RTL1: variants seen among roughly 807,000 people sequenced by gnomAD.
The protein encoded by RTL1 is retrotransposon Gag like 1, also known as retrotransposon-like protein 1.
For synonymous variants in RTL1, 727 were observed against 748.4 expected (o/e 0.97, Z 0.47); for missense variants, 1,681 against 1,767.5 (o/e 0.95, Z 0.88).
chr14:100,892,286 G>C (rs754304), intron 3 of RTL1, among the ~76,000 whole-genome samples: 77,980 of 151,922 alleles, frequency 0.51, 20,102 homozygotes, highest in East Asian at 0.68. Context: ...AAACAAGGAG[G>C]GCCCCACCTC....
At chr14:100,888,381 C>T (rs1260899871) in intron 3 of RTL1, among the ~76,000 whole-genome samples, 3 of 152,136 alleles carry the variant, frequency 2.0e-5, no homozygotes, top group Admixed American at 6.5e-5. Context: ...ACACAAAATG[C>T]GACATTTTAC....
chr14:100,891,866 G>A (rs539137295), intron 3 of RTL1, among the ~76,000 whole-genome samples: 17 of 152,210 alleles, frequency 1.1e-4, no homozygotes, highest in Admixed American at 2.0e-4. Context: ...GGAGGGTTTC[G>A]GTGGTGGTCT....
intron 3 of RTL1, 22 bp from the exon 4 acceptor site, chr14:100,884,896 G>T: frequency 9.8e-7 from 1 of 1,015,470 alleles, no homozygotes; most frequent in East Asian, 2.5e-5. Context: ...AGGGGAGTGT[G>T]GGGAGTAAAG....
At chr14:100,895,381 C>T (rs191564839) in intron 2 of RTL1, among the ~76,000 whole-genome samples, 82 of 152,150 alleles carry the variant, frequency 5.4e-4, no homozygotes, top group East Asian at 1.7e-3. Flanking sequence ...TCATCCTCCC[C>T]GTCTTACATA....
At position 100,884,767 on chromosome 14, in the gene RTL1, A is replaced by G; in HGVS notation, c.22T>C (p.Ser8Pro). The change falls in exon 4 of 4, where the codon TCA becomes CCA. Residue 8 changes from serine (S) to proline (P), a missense_variant. Transcript: ENST00000649591. Reference sequence around the variant, plus strand: ...TTATGCTCCATCATCGTCTCAAATGAGTCTTCAGAGGGTTCTATCATTTCG... The same window carrying G: ...TTATGCTCCATCATCGTCTCAAATGGGTCTTCAGAGGGTTCTATCATTTCG... MIEPSED[S>P]FETMMEHKNP... is the part of the protein sequence containing the mutation. 1 of 1,582,934 alleles carries G rather than the reference A, an allele frequency of 6.3e-7. No individual in the cohort carries two copies. The highest frequency in any genetic ancestry group is 8.6e-7 in the Non-Finnish European group (1 of 1,164,432).
Position 100,881,503 on chromosome 14 carries a change from G to C in RTL1, c.3286C>G (p.Leu1096Val), listed in dbSNP as rs1206523186. 6.4e-7 allele frequency: 1 copy of C among 1,551,504 alleles called. No homozygotes were observed. The highest frequency in any genetic ancestry group is 8.7e-7 in the Non-Finnish European group (1 of 1,147,002). The change falls in exon 4 of 4, where the codon CTC (leucine) becomes GTC (valine). Residue 1096 changes from leucine to valine, a missense_variant. Physicochemically the swap from Leu to Val is conservative, Grantham distance 32. Transcript: ENST00000649591. This position sits in a 1 kb window ranked among gnomAD's most constrained non-coding sequence, Gnocchi z 6.6. ...CATTGCCTCACGCGCAGTAGCACGAGGATGGCTGCCAGGGCTAGGGTGTTC... is the reference window on the plus strand; with the variant it reads ...CATTGCCTCACGCGCAGTAGCACGACGATGGCTGCCAGGGCTAGGGTGTTC... Reference protein sequence around the residue: ...WKNTLALAAILVLLRVRQCLS... With the variant: ...WKNTLALAAIVVLLRVRQCLS...
In RTL1 at chr14:100,882,296, C is replaced by T. The variant is rs1450968885; in HGVS notation, c.2493G>A (p.Glu831=). The change falls in exon 4 of 4, where the codon GAG becomes GAA. Residue 831 remains glutamate, a synonymous_variant. Coordinates refer to ENST00000649591, the MANE Select transcript of RTL1 (RefSeq NM_001134888.3). ...AGCTCAGCAGCTGCCGCACCAGGGGCTCTGCGATGATGCTGAAGCGCTCCA... is the reference window on the plus strand; with the variant it reads ...AGCTCAGCAGCTGCCGCACCAGGGGTTCTGCGATGATGCTGAAGCGCTCCA... ...HFVERFSIIA[E]PLVRQLLSSY... The T allele has an allele frequency of 6.4e-7, 1 of 1,551,550 alleles. No individual in the cohort carries two copies. The highest frequency in any genetic ancestry group is 2.4e-5 in the East Asian group (1 of 40,928).
In RTL1 at chr14:100,890,065, G is replaced by A. The variant is rs1444786485; in HGVS notation, c.-87+3379C>T. On this transcript the variant is annotated intron_variant, in intron 3 of 3. Coordinates refer to ENST00000649591, the MANE Select transcript of RTL1 (RefSeq NM_001134888.3). ...AATATCTACTGATTTGAAAATTCCCGCCTTATTTGAAAAAAAAAAAAAAAA... is the reference window on the plus strand; with the variant it reads ...AATATCTACTGATTTGAAAATTCCCACCTTATTTGAAAAAAAAAAAAAAAA... Among the ~76,000 whole-genome samples the A allele has an allele frequency of 1.0e-4, 10 of 100,452 alleles. No individual in the cohort carries two copies. In the East Asian group the frequency reaches 1.7e-3, roughly 17 times the overall value. The allele number at this position is 100,452 out of a possible 152,430, so 65.9% of individuals were successfully genotyped here. A position where few individuals can be genotyped will look rare whatever the true frequency, so the allele number is the denominator to read the frequency against.
Position 100,882,191 on chromosome 14 carries a change from G to T in RTL1, c.2598C>A (p.Leu866=). 6.4e-7 allele frequency: 1 copy of T among 1,550,510 alleles called. No homozygotes were observed. The highest frequency in any genetic ancestry group is 8.7e-7 in the Non-Finnish European group (1 of 1,146,980). The change falls in exon 4 of 4, where the codon CTC becomes CTA. Residue 866 remains leucine (L), a synonymous_variant. Transcript: ENST00000649591. The part of the protein sequence containing the change: ...LKRAFRKAPL[L]HHPKPQNPFY... ...ATGGGTTCTGGGGCTTGGGGTGGTGGAGGAGAGGCGCCTTGCGGAAAGCCC... is the reference window on the plus strand; with the variant it reads ...ATGGGTTCTGGGGCTTGGGGTGGTGTAGGAGAGGCGCCTTGCGGAAAGCCC...
Position 100,880,536 on chromosome 14 carries a change from G to A in RTL1, c.*176C>T, listed in dbSNP as rs932201072. On this transcript the variant is annotated 3_prime_UTR_variant, in exon 4 of 4. Transcript: ENST00000649591. ...GACTGGGTAGTCCGTTAGCACAGGT[G>A]GCATTGCTGGTTGATGAGTTGAAGA... 22 of 1,273,560 alleles carry A rather than the reference G, an allele frequency of 1.7e-5. No homozygotes were observed. In the African/African-American group the frequency reaches 3.2e-4, roughly 18 times the overall value. 78.9% of individuals were successfully genotyped at this position (1,273,560 alleles called of 1,614,324 possible).
intron 2 of RTL1, among the ~76,000 whole-genome samples, chr14:100,900,746 C>A (rs755001446): frequency 3.3e-5 from 5 of 152,202 alleles, no homozygotes; most frequent in Non-Finnish European, 7.3e-5. Flanking sequence ...TATCCTGAAC[C>A]AGAAATCCCT....
At chr14:100,885,959 G>A (rs1243574816) in intron 3 of RTL1, among the ~76,000 whole-genome samples, 1 of 152,148 alleles carries the variant, frequency 6.6e-6, no homozygotes, top group Non-Finnish European at 1.5e-5. Flanking sequence ...GGGGTTGGGG[G>A]GAACATGTGA....
In RTL1 at chr14:100,882,441, G is replaced by A. The variant is rs2038631044; in HGVS notation, c.2348C>T (p.Thr783Ile). 6.4e-7 allele frequency: 1 copy of A among 1,552,092 alleles called. No homozygotes were observed. Among genetic ancestry groups the A allele is most frequent in the Non-Finnish European group, 8.7e-7 (1 of 1,147,116 alleles). The change falls in exon 4 of 4, where the codon ACC becomes ATC. Residue 783 changes from threonine (T) to isoleucine (I), a missense_variant. By Grantham distance (89) the Thr-to-Ile change is moderately conservative. Coordinates refer to ENST00000649591, the MANE Select transcript of RTL1 (RefSeq NM_001134888.3). The part of the protein sequence containing the change: ...QTVEFLGFVV[T>I]PKGVKLNKNV... ...CTTGTTCAGTTTCACCCCTTTGGGG[G>A]TGACGACGAAGCCCAGGAATTCCAC... is the stretch of plus-strand genomic sequence containing the variant.
In RTL1 at chr14:100,881,803, C is replaced by T. The variant is rs1224870084; in HGVS notation, c.2986G>A (p.Val996Met). Residue 996 changes from valine to methionine, a missense_variant, in exon 4 of 4, where the codon GTG becomes ATG. Val to Met is a conservative substitution (Grantham distance 21, BLOSUM62 1). Coordinates refer to ENST00000649591, the MANE Select transcript of RTL1 (RefSeq NM_001134888.3). The surrounding 1 kb of genome is among the most constrained non-coding windows in gnomAD (Gnocchi z 6.6). Reference protein sequence around the residue: ...EQDGGRALPPVRNLRWRRAFQ... With the variant: ...EQDGGRALPPMRNLRWRRAFQ... Reference sequence around the variant, plus strand: ...GCTCTCCTCCACCGGAGGTTTCTCACAGGTGGCAGAGCTCGGCCGCCGTCT... The same window carrying T: ...GCTCTCCTCCACCGGAGGTTTCTCATAGGTGGCAGAGCTCGGCCGCCGTCT... 1 of 1,614,010 alleles carries T rather than the reference C, an allele frequency of 6.2e-7. No individual in the cohort carries two copies. Among genetic ancestry groups the T allele is most frequent in the Non-Finnish European group, 8.5e-7 (1 of 1,180,012 alleles).
rs1346057040 is a variant in RTL1 at position 100,882,301 on chromosome 14, C to T, written c.2488G>A (p.Ala830Thr). The T allele has an allele frequency of 5.8e-6, 9 of 1,551,624 alleles. No homozygotes were observed. Among genetic ancestry groups the T allele is most frequent in the South Asian group, 2.4e-5 (2 of 84,056 alleles). ...AGCAGCTGCCGCACCAGGGGCTCTGCGATGATGCTGAAGCGCTCCACGAAG... is the reference window on the plus strand; with the variant it reads ...AGCAGCTGCCGCACCAGGGGCTCTGTGATGATGCTGAAGCGCTCCACGAAG... Reference protein sequence around the residue: ...RHFVERFSIIAEPLVRQLLSS... With the variant: ...RHFVERFSIITEPLVRQLLSS... The change falls in exon 4 of 4, where the codon GCA becomes ACA. Residue 830 changes from alanine (A) to threonine (T), a missense_variant. Ala to Thr is a moderately conservative substitution (Grantham distance 58). Coordinates refer to ENST00000649591, the MANE Select transcript of RTL1 (RefSeq NM_001134888.3).
chr14:100,892,732 T>C (rs1441292693), intron 3 of RTL1, among the ~76,000 whole-genome samples: 1 of 150,234 alleles, frequency 6.7e-6, no homozygotes, highest in Admixed American at 6.6e-5. Flanking sequence ...ATGACTGGAG[T>C]TGGTGAGGGG....
At position 100,884,337 on chromosome 14, in the gene RTL1, TGAG is replaced by T. The variant is rs1230453450; in HGVS notation, c.449_451del (p.Pro150del). On this transcript the variant is annotated inframe_deletion, in exon 4 of 4. Coordinates refer to ENST00000649591, the MANE Select transcript of RTL1 (RefSeq NM_001134888.3). Reference sequence around the variant, plus strand: ...TGAGTGCTCGGTCTGGTTTTGCTCTTGAGGAGTCTCCTCCCTTCCCGATTCCTT... The same window carrying T: ...TGAGTGCTCGGTCTGGTTTTGCTCTTGAGTCTCCTCCCTTCCCGATTCCTT... The T allele has an allele frequency of 6.4e-7, 1 of 1,553,438 alleles. No homozygotes were observed. Among genetic ancestry groups the T allele is most frequent in the Admixed American group, 2.0e-5 (1 of 51,158 alleles).
At chr14:100,891,542 C>T (rs1417252316) in intron 3 of RTL1, among the ~76,000 whole-genome samples, 1 of 152,204 alleles carries the variant, frequency 6.6e-6, no homozygotes, top group African/African-American at 2.4e-5. Flanking sequence ...GGCCCAGCAG[C>T]GCTCCTGCTG....
intron 3 of RTL1, among the ~76,000 whole-genome samples, chr14:100,887,047 G>A (rs889839192): frequency 6.6e-6 from 1 of 152,096 alleles, no homozygotes; most frequent in Non-Finnish European, 1.5e-5. Flanking sequence ...ATGAATAAAG[G>A]TCATCTCATA....
Sources: allele counts gnomAD v4.1 joint callset (sites outside exome capture counted in the v4.1 genomes callset), GRCh38; gene constraint gnomAD v4.1.1; non-coding constraint Gnocchi (gnomAD v3.1); transcripts MANE v1.5; gene names NCBI Gene and HGNC (gene_info 2026-07-23, HGNC 2026-07-21).